The following UGCG variants were observed in gnomAD, a reference collection of about 807,000 sequenced individuals.
UGCG encodes the protein UDP-glucose ceramide glucosyltransferase.
UGCG carries 10 observed loss-of-function variants against 49.5 expected under a neutral mutation model. That is an observed-to-expected ratio of 0.20 (90% CI 0.12 to 0.34). The LOEUF is 0.34. UGCG is among the 10% of genes least tolerant of loss of function. The pLI, the probability that UGCG is intolerant of heterozygous loss-of-function variation, is 1.00. For missense variants in UGCG, 312 were observed against 483.7 expected, an observed-to-expected ratio of 0.65 and a Z score of 3.33; for synonymous variants, 182 against 158.2, an observed-to-expected ratio of 1.15 and a Z score of -1.13.
At chr9:111,929,457 A>G in intron 5 of UGCG, 43 bp from the exon 6 acceptor site, 4 of 1,571,544 alleles carry the variant, frequency 2.5e-6, no homozygotes, top group Non-Finnish European at 3.4e-6. Flanking sequence ...CCATGCTTTT[A>G]ACATGAAATT....
At chr9:111,909,564 C>T (rs1304145397) in intron 1 of UGCG, among the ~76,000 whole-genome samples, 1 of 151,234 alleles carries the variant, frequency 6.6e-6, no homozygotes, top group Middle Eastern at 3.4e-3. Flanking sequence ...AGCCACAGCT[C>T]CTTCACAGTA....
At position 111,912,029 on chromosome 9, in the gene UGCG, G is replaced by GATATATATATATATAT. The variant is rs60468274; in HGVS notation, c.99-2567_99-2552dup. ...CAGGATACATATATATATTCAACAGGATATATATATATATATATATATATC... is the reference window on the plus strand; with the variant it reads ...CAGGATACATATATATATTCAACAGGATATATATATATATATATATATATATATATATATATATATC... On this transcript the variant is annotated intron_variant, in intron 1 of 8. Transcript: ENST00000374279. Among the ~76,000 whole-genome samples the GATATATATATATATAT allele has an allele frequency of 1.2e-3, 80 of 64,554 alleles. 4 individuals are homozygous for GATATATATATATATAT. Among genetic ancestry groups the GATATATATATATATAT allele is most frequent in the South Asian group, 2.8e-3 (5 of 1,770 alleles). 42.3% of individuals were successfully genotyped at this position (64,554 alleles called of 152,430 possible). A position where few individuals can be genotyped will look rare whatever the true frequency, so the allele number is the denominator to read the frequency against.
intron 1 of UGCG, among the ~76,000 whole-genome samples, chr9:111,910,326 T>G (rs1321891760): frequency 6.6e-6 from 1 of 152,198 alleles, no homozygotes; most frequent in East Asian, 1.9e-4. Context: ...ACCTGCATGT[T>G]TTGGTAGTTT....
In UGCG at chr9:111,933,162, A is replaced by AC; in HGVS notation, c.*165_*166insC. The AC allele has an allele frequency of 1.6e-6, 1 of 608,798 alleles. No homozygotes were observed. The highest frequency in any genetic ancestry group is 8.0e-5 in the South Asian group (1 of 12,438). 37.7% of individuals were successfully genotyped at this position (608,798 alleles called of 1,614,324 possible). ...GCACTTGCATCTGTGAAAAAAAAAA[A>AC]AAACACATCTGTAGTCTTGGCCAAA... is the stretch of plus-strand genomic sequence containing the variant. On this transcript the variant is annotated 3_prime_UTR_variant, in exon 9 of 9. Transcript: ENST00000374279.
chr9:111,922,396 G>A (rs1838242743), intron 2 of UGCG, among the ~76,000 whole-genome samples: 1 of 152,136 alleles, frequency 6.6e-6, no homozygotes, highest in Non-Finnish European at 1.5e-5. Flanking sequence ...GAAATTTGTT[G>A]CACCTTCATG....
At chr9:111,926,263 A>T in intron 4 of UGCG, 121 bp from the exon 5 acceptor site, 2 of 604,752 alleles carry the variant, frequency 3.3e-6, no homozygotes, top group Non-Finnish European at 5.6e-6. Flanking sequence ...CCATATGTTT[A>T]AAATAATGTA....
intron 1 of UGCG, among the ~76,000 whole-genome samples, chr9:111,900,386 G>A (rs1282344428): frequency 6.6e-6 from 1 of 152,060 alleles, no homozygotes; most frequent in African/African-American, 2.4e-5. Flanking sequence ...GGAGGTGCTA[G>A]GCTAGTGTGG....
rs1838420096 is a variant in UGCG, at chr9:111,931,258, T to C, written c.738-13T>C. 1 of 1,612,422 alleles carries C rather than the reference T, an allele frequency of 6.2e-7. No individual in the cohort carries two copies. ...ATCATCATAACTTATTTTCTAATTA[T>C]CTTAATTTTCAGAGGTTGGAGGTTT... On this transcript the variant is annotated splice_polypyrimidine_tract_variant and intron_variant, in intron 6 of 8. Coordinates refer to ENST00000374279, the MANE Select transcript of UGCG (RefSeq NM_003358.3).
In UGCG at chr9:111,933,161, A is replaced by C; in HGVS notation, c.*164A>C. On this transcript the variant is annotated 3_prime_UTR_variant, in exon 9 of 9. Coordinates refer to ENST00000374279, the MANE Select transcript of UGCG (RefSeq NM_003358.3). ...GGCACTTGCATCTGTGAAAAAAAAA[A>C]AAAACACATCTGTAGTCTTGGCCAA... The C allele has an allele frequency of 4.9e-6, 3 of 610,588 alleles. No individual in the cohort carries two copies. The highest frequency in any genetic ancestry group is 7.0e-6 in the Non-Finnish European group (3 of 425,550). The allele number at this position is 610,588 out of a possible 1,614,324, so 37.8% of individuals were successfully genotyped here. A position where few individuals can be genotyped will look rare whatever the true frequency, so the allele number is the denominator to read the frequency against.
intron 5 of UGCG, 37 bp from the exon 6 acceptor site, chr9:111,929,463 A>C (rs778363047): frequency 1.9e-6 from 3 of 1,576,206 alleles, no homozygotes; most frequent in South Asian, 1.2e-5. Context: ...TTTTAACATG[A>C]AATTCTAATC....
intron 1 of UGCG, among the ~76,000 whole-genome samples, chr9:111,913,619 T>A (rs1449959575): frequency 2.3e-5 from 3 of 127,934 alleles, no homozygotes; most frequent in Admixed American, 8.2e-5. Flanking sequence ...TTTTTTTTTT[T>A]AGTAGAGATG....
chr9:111,928,171 C>A (rs891593272), intron 5 of UGCG, among the ~76,000 whole-genome samples: 10 of 152,190 alleles, frequency 6.6e-5, no homozygotes, highest in African/African-American at 2.2e-4. Flanking sequence ...ATTGTGGGAA[C>A]TTGCATCTGG....
At chr9:111,918,796 G>T (rs1838159141) in intron 2 of UGCG, among the ~76,000 whole-genome samples, 1 of 151,798 alleles carries the variant, frequency 6.6e-6, no homozygotes, top group South Asian at 2.1e-4. Flanking sequence ...GCAGTGGCGG[G>T]TGCCTGTAGT....
chr9:111,912,294 C>G (rs545338999), intron 1 of UGCG, among the ~76,000 whole-genome samples: 1 of 151,970 alleles, frequency 6.6e-6, no homozygotes, highest in East Asian at 1.9e-4. Context: ...ATTATCCAAT[C>G]TGGCTGGCTG....
chr9:111,923,634 G>T lies in UGCG; in HGVS notation c.343+683G>T, dbSNP rs75152929. On this transcript the variant is annotated intron_variant, in intron 3 of 8. Transcript: ENST00000374279. The stretch of plus-strand genomic sequence containing the variant: ...GTCATATATTTATGGGGTTTTTTTG[G>T]TTTTTTTTTTCTTTGATACGAATTT... Among the ~76,000 whole-genome samples the T allele has an allele frequency of 6.2e-4, 92 of 148,394 alleles. 1 individual carries two copies. Among genetic ancestry groups the T allele is most frequent in the East Asian group, 2.7e-3 (14 of 5,120 alleles).
At chr9:111,921,134 C>G (rs778357647) in intron 2 of UGCG, among the ~76,000 whole-genome samples, 29 of 151,642 alleles carry the variant, frequency 1.9e-4, no homozygotes, top group Non-Finnish European at 3.5e-4. Context: ...AAAAACTTGA[C>G]CTGAAGTGAT....
At chr9:111,912,833 A>G (rs1289019052) in intron 1 of UGCG, among the ~76,000 whole-genome samples, 2 of 152,194 alleles carry the variant, frequency 1.3e-5, no homozygotes, top group African/African-American at 2.4e-5. Flanking sequence ...AGAAATTGAT[A>G]CCACCCTGTT....
intron 2 of UGCG, chr9:111,915,927 A>G: frequency 1.4e-6 from 1 of 704,620 alleles, no homozygotes; most frequent in Non-Finnish European, 1.7e-6. Context: ...ATTTTGGAGT[A>G]TTGGAAGCTG....
intron 5 of UGCG, among the ~76,000 whole-genome samples, 157 bp downstream of exon 5, chr9:111,926,653 G>A (rs1476566235): frequency 1.3e-5 from 2 of 152,048 alleles, no homozygotes; most frequent in African/African-American, 2.4e-5. Context: ...GAGAGCAGCT[G>A]TTTTCATTAG....
Sources: allele counts gnomAD v4.1 joint callset (sites outside exome capture counted in the v4.1 genomes callset), GRCh38; gene constraint gnomAD v4.1.1; transcripts MANE v1.5; gene names NCBI Gene and HGNC (gene_info 2026-07-23, HGNC 2026-07-21).